Variants in SLC2A13 observed in about 807,000 individuals in gnomAD.
SLC2A13 encodes the protein proton myo-inositol cotransporter.
In SLC2A13, 32 loss-of-function variants were observed where a neutral mutation model predicts 64.4. The observed-to-expected ratio is 0.50, with a 90% CI of 0.37 to 0.67. The LOEUF is 0.67. SLC2A13 is among the 30% of genes least tolerant of loss of function. The pLI, the probability that SLC2A13 is intolerant of heterozygous loss-of-function variation, is 0.00. For synonymous variants in SLC2A13, 338 were observed against 327.1 expected, an observed-to-expected ratio of 1.03 and a Z score of -0.36; for missense variants, 743 against 829.2, an observed-to-expected ratio of 0.90 and a Z score of 1.28.
chr12:39,864,722 C>A, intron 6 of SLC2A13, 40 bp downstream of exon 6: 1 of 1,598,288 alleles, frequency 6.3e-7, no homozygotes. Context: ...AAAAAGTTAC[C>A]AGAGTCATGT....
In SLC2A13 at chr12:40,105,592, G is replaced by C; in HGVS notation, c.217C>G (p.Gln73Glu). Residue 73 changes from glutamine (Q) to glutamate (E), a missense_variant, in exon 1 of 10, where the codon CAG becomes GAG. Around this residue, in one of 2 missense-constraint regions of SLC2A13, gnomAD observed 448 missense variants for 447.4 expected, o/e 1.00. Transcript: ENST00000280871. The surrounding 1 kb of genome is among the most constrained non-coding windows in gnomAD (Gnocchi z 4.2). ...DLERAARRQF[Q>E]QDETPAFVYV... ...ACGAAGGCGGGGGTCTCGTCCTGCTGGAACTGCCGCCGCGCCGCGCGCTCC... is the reference window on the plus strand; with the variant it reads ...ACGAAGGCGGGGGTCTCGTCCTGCTCGAACTGCCGCCGCGCCGCGCGCTCC... 6.5e-7 allele frequency: 1 copy of C among 1,538,068 alleles called. No individual in the cohort carries two copies. Among genetic ancestry groups the C allele is most frequent in the Non-Finnish European group, 8.7e-7 (1 of 1,145,470 alleles).
At chr12:40,082,502 C>T (rs927615042) in intron 1 of SLC2A13, among the ~76,000 whole-genome samples, 8 of 152,150 alleles carry the variant, frequency 5.3e-5, no homozygotes, top group African/African-American at 9.7e-5. Flanking sequence ...GCAACCAAGG[C>T]CATGCTGCAA....
chr12:39,943,255 T>A (rs1946073789), intron 4 of SLC2A13, among the ~76,000 whole-genome samples: 2 of 152,000 alleles, frequency 1.3e-5, no homozygotes, highest in South Asian at 4.2e-4. Context: ...GAGGAAGGAG[T>A]CTGTCTCTTA....
chr12:39,823,017 G>A (rs1227903965), intron 7 of SLC2A13, among the ~76,000 whole-genome samples: 1 of 152,150 alleles, frequency 6.6e-6, no homozygotes. Flanking sequence ...AAATCCAAGG[G>A]AGTCTAAATT....
chr12:39,951,416 C>G (rs773724080), intron 3 of SLC2A13, 51 bp from the exon 4 acceptor site: 2 of 1,436,296 alleles, frequency 1.4e-6, no homozygotes, highest in South Asian at 3.0e-5. Flanking sequence ...TTTTAGCTCT[C>G]ATAGTAATTA....
chr12:40,099,632 T>A (rs373207824), intron 1 of SLC2A13, among the ~76,000 whole-genome samples: 18 of 152,338 alleles, frequency 1.2e-4, no homozygotes, highest in African/African-American at 3.1e-4. Flanking sequence ...ACTTACGTTA[T>A]CTTACTGACA....
rs1361025533 is a variant in SLC2A13 at position 39,755,096 on chromosome 12, A to G, written c.*4930T>C. ...GTTCTGGCACTGACACTTTTTTTAA[A>G]AAAAGATTTTAATTTTATGTAAAGA... is the stretch of plus-strand genomic sequence containing the variant. On this transcript the variant is annotated 3_prime_UTR_variant, in exon 10 of 10. Transcript: ENST00000280871. 6.6e-6 allele frequency: 1 copy of G among 152,016 alleles called. No homozygotes were observed. Among genetic ancestry groups the G allele is most frequent in the Non-Finnish European group, 1.5e-5 (1 of 67,924 alleles). 9.4% of individuals were successfully genotyped at this position (152,016 alleles called of 1,614,324 possible).
chr12:39,873,953 A>C (rs1944119364), intron 4 of SLC2A13, among the ~76,000 whole-genome samples: 1 of 152,198 alleles, frequency 6.6e-6, no homozygotes, highest in Non-Finnish European at 1.5e-5. Context: ...TTAAGTACCT[A>C]GTGTATAAGC....
intron 2 of SLC2A13, among the ~76,000 whole-genome samples, chr12:40,034,008 C>T (rs1947941417): frequency 6.6e-6 from 1 of 152,138 alleles, no homozygotes; most frequent in Admixed American, 6.6e-5. Context: ...TCCTGTTCCT[C>T]CTTAACCCAA....
At chr12:40,092,586 T>C (rs1388397324) in intron 1 of SLC2A13, among the ~76,000 whole-genome samples, 1 of 152,148 alleles carries the variant, frequency 6.6e-6, no homozygotes, top group Non-Finnish European at 1.5e-5. Flanking sequence ...AAAAATAAAA[T>C]GTGTCTTATT....
intron 4 of SLC2A13, among the ~76,000 whole-genome samples, chr12:39,894,944 G>T (rs2135989107): frequency 1.3e-5 from 2 of 152,306 alleles, no homozygotes; most frequent in Admixed American, 1.3e-4. Context: ...AGGAAAACTG[G>T]CTAGGAGAAC....
intron 7 of SLC2A13, among the ~76,000 whole-genome samples, chr12:39,806,545 C>A (rs1158206011): frequency 6.6e-6 from 1 of 152,156 alleles, no homozygotes; most frequent in Non-Finnish European, 1.5e-5. Context: ...CACAAAAAGT[C>A]ATGTTCTCAG....
At chr12:39,961,486 C>T (rs770573691) in intron 3 of SLC2A13, among the ~76,000 whole-genome samples, 6 of 152,076 alleles carry the variant, frequency 3.9e-5, no homozygotes, top group African/African-American at 7.2e-5. Context: ...GTTTACTAAC[C>T]TTTTATCAAT....
At chr12:40,043,800 C>T (rs1948131248) in intron 2 of SLC2A13, among the ~76,000 whole-genome samples, 1 of 151,926 alleles carries the variant, frequency 6.6e-6, no homozygotes, top group African/African-American at 2.4e-5. Flanking sequence ...AGTGAGATGC[C>T]ACTTCACACC....
chr12:40,070,244 T>C (rs1292693320), intron 1 of SLC2A13, among the ~76,000 whole-genome samples: 1 of 151,542 alleles, frequency 6.6e-6, no homozygotes, highest in Non-Finnish European at 1.5e-5. Context: ...AAAGTTCTGC[T>C]TGATTTGGTA....
chr12:39,955,457 A>G (rs148697531), intron 3 of SLC2A13, among the ~76,000 whole-genome samples: 200 of 151,730 alleles, frequency 1.3e-3, no homozygotes, highest in African/African-American at 4.6e-3. Flanking sequence ...CTAAAGATCA[A>G]AATGGAAATC....
intron 4 of SLC2A13, among the ~76,000 whole-genome samples, chr12:39,910,042 T>C (rs138587847): frequency 1.3e-5 from 2 of 152,184 alleles, no homozygotes; most frequent in Admixed American, 1.3e-4. Context: ...GGTCCTTAGA[T>C]ACATTAGTGT....
chr12:39,782,757 G>T (rs1941040084), intron 7 of SLC2A13, among the ~76,000 whole-genome samples: 1 of 152,154 alleles, frequency 6.6e-6, no homozygotes, highest in Non-Finnish European at 1.5e-5. Flanking sequence ...ATGTTGAATG[G>T]CTTTGACAAA....
chr12:39,768,548 T>A lies in SLC2A13; in HGVS notation c.1446-3690A>T, dbSNP rs894302446. Among the ~76,000 whole-genome samples the A allele has an allele frequency of 2.6e-5, 4 of 152,012 alleles. No homozygotes were observed. In the South Asian group the frequency reaches 8.3e-4, roughly 31 times the overall value. On this transcript the variant is annotated intron_variant, in intron 7 of 9. Transcript: ENST00000280871. ...CTATCACTTGAACATTTAGAGGCCA[T>A]TGTAGAGTTATTAACTGTAGTGTCT...
Sources: gnomAD v4.1 joint callset for allele counts (sites outside exome capture counted in the v4.1 genomes callset) on GRCh38, gnomAD v4.1.1 for gene constraint, gnomAD v4.1.1 regional missense constraint, Gnocchi (gnomAD v3.1) non-coding constraint, MANE v1.5 for transcripts, NCBI Gene and HGNC (gene_info 2026-07-23, HGNC 2026-07-21) for gene names.